The following DLGAP1 variants were observed in gnomAD, a reference collection of about 807,000 sequenced individuals.
DLGAP1 encodes DLG associated protein 1, also known as disks large-associated protein 1.
A neutral mutation model predicts 90.8 loss-of-function variants in DLGAP1; 11 were observed. The ratio of observed to expected loss-of-function variants is 0.12; its 90% CI spans 0.08 to 0.20. The LOEUF (loss-of-function observed/expected upper bound fraction) is 0.20, where lower values mean the gene tolerates loss of function less well. DLGAP1 is among the 10% of genes least tolerant of loss of function. The pLI is 1.00. For synonymous variants in DLGAP1, 558 were observed against 540.7 expected, an observed-to-expected ratio of 1.03 and a Z score of -0.44; for missense variants, 1,050 against 1,333.8, an observed-to-expected ratio of 0.79 and a Z score of 3.31.
At chr18:4,295,439 T>G (rs2079957177) in intron 1 of DLGAP1, 1 of 152,240 alleles carries the variant, frequency 6.6e-6, no homozygotes, top group East Asian at 1.9e-4. Flanking sequence ...ATATCATGTC[T>G]TATTTCCACC....
At chr18:3,752,817 T>C (rs929688873) in intron 5 of DLGAP1, among the ~76,000 whole-genome samples, 2 of 151,884 alleles carry the variant, frequency 1.3e-5, no homozygotes, top group African/African-American at 4.8e-5. Context: ...AGCCCTAGCA[T>C]GATGTTTTCA....
At chr18:4,052,898 C>T (rs1169479728) in intron 2 of DLGAP1, among the ~76,000 whole-genome samples, 6 of 152,154 alleles carry the variant, frequency 3.9e-5, no homozygotes, top group Non-Finnish European at 8.8e-5. Flanking sequence ...GCTGGAATCA[C>T]CACTGCTCCA....
intron 4 of DLGAP1, among the ~76,000 whole-genome samples, chr18:3,837,362 A>G (rs1455325028): frequency 6.6e-6 from 1 of 152,190 alleles, no homozygotes; most frequent in African/African-American, 2.4e-5. Context: ...TTCCAGTTCT[A>G]TTTGTATATG....
intron 10 of DLGAP1, among the ~76,000 whole-genome samples, chr18:3,528,266 T>G (rs2051777035): frequency 6.6e-6 from 1 of 152,160 alleles, no homozygotes; most frequent in Non-Finnish European, 1.5e-5. Flanking sequence ...TGCACAGAAT[T>G]AAAACAAACA....
At chr18:4,052,227 C>A (rs952126567) in intron 2 of DLGAP1, among the ~76,000 whole-genome samples, 2 of 152,344 alleles carry the variant, frequency 1.3e-5, no homozygotes, top group African/African-American at 4.8e-5. Context: ...TCTAACCCCA[C>A]ATTTCCCTTC....
intron 1 of DLGAP1, among the ~76,000 whole-genome samples, chr18:4,276,037 T>C (rs1477703919): frequency 6.8e-6 from 1 of 147,798 alleles, no homozygotes; most frequent in Admixed American, 6.9e-5. Flanking sequence ...GAGGACTATA[T>C]GGGGTAGCAG....
intron 2 of DLGAP1, among the ~76,000 whole-genome samples, chr18:4,099,295 TCATCTATC>T (rs1487638337): frequency 1.4e-5 from 2 of 140,556 alleles, no homozygotes. Context: ...TATCTGTCTA[TCATCTATC>T]TATCTATCTA....
intron 4 of DLGAP1, among the ~76,000 whole-genome samples, chr18:3,848,915 C>A (rs541414226): frequency 6.6e-6 from 1 of 152,186 alleles, no homozygotes; most frequent in Non-Finnish European, 1.5e-5. Flanking sequence ...TTGCTCCTCC[C>A]CCCAACACTA....
intron 1 of DLGAP1, among the ~76,000 whole-genome samples, chr18:4,284,167 C>G (rs1308824078): frequency 6.7e-6 from 1 of 150,164 alleles, no homozygotes; most frequent in East Asian, 2.0e-4. Context: ...CCACTGCACT[C>G]CAGCCTGGGC....
At chr18:3,701,514 G>T (rs1446756388) in intron 7 of DLGAP1, among the ~76,000 whole-genome samples, 1 of 152,242 alleles carries the variant, frequency 6.6e-6, no homozygotes, top group Non-Finnish European at 1.5e-5. Flanking sequence ...TTCGACCCAT[G>T]CTTATGTGAT....
chr18:3,570,415 A>T (rs1297646891), intron 8 of DLGAP1, among the ~76,000 whole-genome samples: 3 of 151,686 alleles, frequency 2.0e-5, no homozygotes. Flanking sequence ...AGTAGCTGGC[A>T]TTATAGGTGT....
chr18:4,387,172 T>C (rs958841053), intron 1 of DLGAP1, among the ~76,000 whole-genome samples: 2 of 152,054 alleles, frequency 1.3e-5, no homozygotes, highest in Non-Finnish European at 1.5e-5. Context: ...GGGAGCAAGG[T>C]TGAGTGAAAA....
At chr18:4,206,476 C>T (rs1234774412) in intron 1 of DLGAP1, among the ~76,000 whole-genome samples, 3 of 152,134 alleles carry the variant, frequency 2.0e-5, no homozygotes, top group Admixed American at 6.5e-5. Flanking sequence ...TGATGTCACC[C>T]TAGTTCCAAG....
chr18:3,894,898 G>C (rs1360352111), intron 3 of DLGAP1: 1 of 152,216 alleles, frequency 6.6e-6, no homozygotes, highest in African/African-American at 2.4e-5. Context: ...GAGAGCTACA[G>C]AGTTGACCTC....
At chr18:4,420,569 C>T (rs1298001995) in intron 1 of DLGAP1, among the ~76,000 whole-genome samples, 1 of 145,810 alleles carries the variant, frequency 6.9e-6, no homozygotes, top group Non-Finnish European at 1.5e-5. Flanking sequence ...TGGGCTCCAT[C>T]ATTGACTCTG....
intron 1 of DLGAP1, among the ~76,000 whole-genome samples, chr18:4,244,616 A>G (rs2078615768): frequency 6.6e-6 from 1 of 152,200 alleles, no homozygotes; most frequent in East Asian, 1.9e-4. Flanking sequence ...CGTTGATTCT[A>G]TATCAAAGGT....
rs144639145 is a variant in DLGAP1 at position 4,209,402 on chromosome 18, T to G, written c.-266-58115A>C. ...AGTTATATATGTACGAGTCAAAGCC[T>G]GCTCTTTCAATCCTGAATATCTGAT... On this transcript the variant is annotated intron_variant, in intron 1 of 12. Transcript: ENST00000315677. Among the ~76,000 whole-genome samples, 1,058 of 152,334 alleles carry G rather than the reference T, an allele frequency of 6.9e-3. 6 individuals are homozygous for G. Among genetic ancestry groups the G allele is most frequent in the African/African-American group, 0.024 (1,010 of 41,586 alleles).
At chr18:4,106,853 GCAGGAGAGACCCGAATA>G (rs2075877685) in intron 2 of DLGAP1, among the ~76,000 whole-genome samples, 1 of 152,216 alleles carries the variant, frequency 6.6e-6, no homozygotes, top group Non-Finnish European at 1.5e-5. Flanking sequence ...CAGGGATGAG[GCAGGAGAGACCCGAATA>G]CAGAGCTGTC....
intron 9 of DLGAP1, among the ~76,000 whole-genome samples, chr18:3,556,887 A>G (rs1224392339): frequency 6.6e-6 from 1 of 152,204 alleles, no homozygotes; most frequent in African/African-American, 2.4e-5. Context: ...AGGCCAAGGC[A>G]TATGGATTGC....
Sources: gnomAD v4.1 joint callset for allele counts (sites outside exome capture counted in the v4.1 genomes callset) on GRCh38, gnomAD v4.1.1 for gene constraint, MANE v1.5 for transcripts, NCBI Gene and HGNC (gene_info 2026-07-23, HGNC 2026-07-21) for gene names.